Variants in ECPAS observed in about 807,000 individuals in gnomAD.
ECPAS encodes the protein Ecm29 proteasome adaptor and scaffold, also known as proteasome adapter and scaffold protein ECM29.
Under a neutral mutation model 255.1 loss-of-function variants are expected in ECPAS, and 70 were observed. That is an observed-to-expected ratio of 0.27 (90% CI 0.23 to 0.33). The LOEUF (loss-of-function observed/expected upper bound fraction) is 0.33. ECPAS is among the 10% of genes least tolerant of loss of function. The pLI is 1.00. For missense variants in ECPAS, 1,817 were observed against 2,206.4 expected, an observed-to-expected ratio of 0.82 and a Z score of 3.54; for synonymous variants, 784 against 775.0, an observed-to-expected ratio of 1.01 and a Z score of -0.19.
intron 2 of ECPAS, among the ~76,000 whole-genome samples, chr9:111,461,794 G>C (rs956259574): frequency 1.3e-5 from 2 of 152,212 alleles, no homozygotes; most frequent in Non-Finnish European, 2.9e-5. Flanking sequence ...GAGAACTACA[G>C]TTCCATGTGG....
chr9:111,419,676 CTTG>C (rs1379498878), intron 16 of ECPAS, among the ~76,000 whole-genome samples: 2 of 151,194 alleles, frequency 1.3e-5, no homozygotes, highest in Non-Finnish European at 2.9e-5. Context: ...TTACATAGGG[CTTG>C]TTTTTAGATA....
intron 24 of ECPAS, among the ~76,000 whole-genome samples, chr9:111,397,417 C>A (rs2098169235): frequency 6.6e-6 from 1 of 152,188 alleles, no homozygotes; most frequent in South Asian, 2.1e-4. Flanking sequence ...GATTTATGAT[C>A]TCTGGAAGCA....
intron 13 of ECPAS, among the ~76,000 whole-genome samples, chr9:111,422,834 A>G (rs2098216165): frequency 6.6e-6 from 1 of 152,228 alleles, no homozygotes; most frequent in Non-Finnish European, 1.5e-5. Flanking sequence ...CCATTCTCAG[A>G]AAAGAGAATC....
At chr9:111,375,004 T>G (rs561847625) in intron 38 of ECPAS, 109 bp downstream of exon 38, 74 of 783,144 alleles carry the variant, frequency 9.4e-5, no homozygotes, top group Admixed American at 6.1e-4. Flanking sequence ...GGTTAGTGTA[T>G]AATATTAGAT....
Position 111,441,195 on chromosome 9 carries a change from A to AT in ECPAS, c.390-675_390-674insA, listed in dbSNP as rs1241422632. Reference sequence around the variant, plus strand: ...TAAAAAAATAAAAAATAAAAAATAAAAATTAAAAAAAAAAAGAATTATTTT... The same window carrying AT: ...TAAAAAAATAAAAAATAAAAAATAAATAATTAAAAAAAAAAAGAATTATTTT... On this transcript the variant is annotated intron_variant, in intron 5 of 49. Transcript: ENST00000684092. 2.7e-5 allele frequency among the ~76,000 whole-genome samples: 4 copies of AT among 150,684 alleles called. No individual in the cohort carries two copies. The East Asian group carries it at 5.9e-4, about 22-fold the overall frequency.
At chr9:111,400,312 G>C (rs1213732956) in intron 24 of ECPAS, among the ~76,000 whole-genome samples, 3 of 152,218 alleles carry the variant, frequency 2.0e-5, no homozygotes, top group Admixed American at 6.5e-5. Context: ...AACAAGGCCA[G>C]ACTGTGAAGA....
intron 28 of ECPAS, 132 bp downstream of exon 28, chr9:111,392,636 T>C (rs1428713832): frequency 4.9e-6 from 3 of 617,052 alleles, no homozygotes; most frequent in Non-Finnish European, 8.5e-6. Context: ...ACAACAATTA[T>C]GGACTCGCAA....
Position 111,428,121 on chromosome 9 carries a change from C to T in ECPAS, c.971G>A (p.Ser324Asn). ...GACAATCTTTAACTTGACTCTTGTA[C>T]TGACAGGGTCCCTTTTCAACTCTGG... ...LKPELKRDPV[S>N]TRVKLKIVPH... Residue 324 changes from serine to asparagine, a missense_variant, in exon 10 of 50, where the codon AGT becomes AAT. By Grantham distance (46) the Ser-to-Asn change is conservative. Transcript: ENST00000684092. 10 of 1,612,816 alleles carry T rather than the reference C, an allele frequency of 6.2e-6. No individual in the cohort carries two copies. The highest frequency in any genetic ancestry group is 8.5e-6 in the Non-Finnish European group (10 of 1,179,248).
intron 2 of ECPAS, among the ~76,000 whole-genome samples, chr9:111,471,922 C>G (rs1379941850): frequency 6.6e-6 from 1 of 151,870 alleles, no homozygotes; most frequent in East Asian, 1.9e-4. Flanking sequence ...AGGTAACACA[C>G]AGAGACTCTG....
intron 2 of ECPAS, among the ~76,000 whole-genome samples, chr9:111,456,773 A>T (rs147484461): frequency 6.6e-6 from 1 of 152,188 alleles, no homozygotes; most frequent in Non-Finnish European, 1.5e-5. Flanking sequence ...TATCTAGGTC[A>T]CTCATTCAAG....
Position 111,479,320 on chromosome 9 carries a change from G to A in ECPAS, c.-83+4796C>T, listed in dbSNP as rs577457985. ...CACTTAAAAACTGTTAAGGCAGGCA[G>A]GGCACAGTGGCTCACACCTTTAATT... On this transcript the variant is annotated intron_variant, in intron 1 of 49. Transcript: ENST00000684092. Among the ~76,000 whole-genome samples the A allele has an allele frequency of 3.7e-4, 56 of 152,288 alleles. No individual in the cohort carries two copies. In the South Asian group the frequency reaches 0.011, roughly 30 times the overall value.
At chr9:111,441,060 G>A (rs1455159714) in intron 5 of ECPAS, among the ~76,000 whole-genome samples, 1 of 151,912 alleles carries the variant, frequency 6.6e-6, no homozygotes, top group Admixed American at 6.6e-5. Flanking sequence ...GCTGAGGCAG[G>A]AGAATGGAGT....
chr9:111,397,691 T>C (rs1425015781), intron 24 of ECPAS, among the ~76,000 whole-genome samples: 1 of 152,252 alleles, frequency 6.6e-6, no homozygotes, highest in Non-Finnish European at 1.5e-5. Context: ...CATTATATTT[T>C]ATTAACATTT....
chr9:111,398,469 G>T (rs2131642986), intron 24 of ECPAS, among the ~76,000 whole-genome samples: 1 of 152,014 alleles, frequency 6.6e-6, no homozygotes, highest in African/African-American at 2.4e-5. Flanking sequence ...AATAAAGGGG[G>T]GTTCAATAGA....
chr9:111,407,358 C>T lies in ECPAS; in HGVS notation c.2652+1213G>A, dbSNP rs1472021097. 2.6e-5 allele frequency among the ~76,000 whole-genome samples: 3 copies of T among 114,424 alleles called. No homozygotes were observed. In the East Asian group the frequency reaches 9.8e-4, roughly 37 times the overall value. The allele number at this position is 114,424 out of a possible 152,430, so 75.1% of individuals were successfully genotyped here. On this transcript the variant is annotated intron_variant, in intron 24 of 49. Coordinates refer to ENST00000684092, the MANE Select transcript of ECPAS (RefSeq NM_001364929.1). ...TGGAGGTTGCAGTGAGCCAAGATCA[C>T]GCCACTTTACTCCAGCCTGGGAGAC...
At chr9:111,380,060 T>G (rs2098138642) in intron 35 of ECPAS, among the ~76,000 whole-genome samples, 1 of 152,246 alleles carries the variant, frequency 6.6e-6, no homozygotes, top group African/African-American at 2.4e-5. Context: ...CAGAAGGTTT[T>G]CAATTTACTT....
At chr9:111,414,698 C>A in intron 18 of ECPAS, 47 bp from the exon 19 acceptor site, 1 of 1,520,104 alleles carries the variant, frequency 6.6e-7, no homozygotes. Context: ...CTCGAAAAGT[C>A]AGTGTGGGAA....
chr9:111,383,292 C>G lies in ECPAS; in HGVS notation c.3722G>C (p.Gly1241Ala). 6.2e-7 allele frequency: 1 copy of G among 1,612,828 alleles called. No homozygotes were observed. Among genetic ancestry groups the G allele is most frequent in the Middle Eastern group, 1.6e-4 (1 of 6,062 alleles). Reference sequence around the variant, plus strand: ...CAGAAGGGCAGCGATGGTTCTCTGGCCAGCTGCTCCTTTGGCAGGGTCACA... The same window carrying G: ...CAGAAGGGCAGCGATGGTTCTCTGGGCAGCTGCTCCTTTGGCAGGGTCACA... Reference protein sequence around the residue: ...KMCDPAKGAAGQRTIAALLPC... With the variant: ...KMCDPAKGAAAQRTIAALLPC... The change falls in exon 35 of 50, where the codon GGC becomes GCC. Residue 1241 changes from glycine to alanine, a missense_variant. This residue lies in a region of ECPAS where 960 missense variants were observed against 1,179.0 expected (regional missense o/e 0.81). Coordinates refer to ENST00000684092, the MANE Select transcript of ECPAS (RefSeq NM_001364929.1).
rs2098128833 is a variant in ECPAS at position 111,372,632 on chromosome 9, A to T, written c.4337-12T>A. 1.9e-6 allele frequency: 3 copies of T among 1,591,576 alleles called. No individual in the cohort carries two copies. Among genetic ancestry groups the T allele is most frequent in the Non-Finnish European group, 2.6e-6 (3 of 1,167,058 alleles). On this transcript the variant is annotated splice_polypyrimidine_tract_variant and intron_variant, in intron 41 of 49. Transcript: ENST00000684092. ...CTTGTAGATAGGTTCTGAAAAGGAG[A>T]AACCAAAATCTTTACGATATTTATT...
Sources: gnomAD v4.1 joint callset for allele counts (sites outside exome capture counted in the v4.1 genomes callset) on GRCh38, gnomAD v4.1.1 for gene constraint, gnomAD v4.1.1 regional missense constraint, MANE v1.5 for transcripts, NCBI Gene and HGNC (gene_info 2026-07-23, HGNC 2026-07-21) for gene names.